The following MTHFD1L variants were observed in gnomAD, a reference collection of about 807,000 sequenced individuals.
MTHFD1L encodes methylenetetrahydrofolate dehydrogenase (NADP+ dependent) 1 like.
Under a neutral mutation model 119.5 loss-of-function variants are expected in MTHFD1L, and 81 were observed. The observed-to-expected ratio is 0.68, with a 90% CI of 0.57 to 0.82. The LOEUF (loss-of-function observed/expected upper bound fraction) is 0.82, where lower values mean the gene tolerates loss of function less well. MTHFD1L is among the 40% of genes least tolerant of loss of function. MTHFD1L has a pLI of 0.00. For synonymous variants in MTHFD1L, 430 were observed against 475.2 expected, an observed-to-expected ratio of 0.90 and a Z score of 1.24; for missense variants, 1,125 against 1,253.4, an observed-to-expected ratio of 0.90 and a Z score of 1.55.
intron 20 of MTHFD1L, among the ~76,000 whole-genome samples, chr6:151,006,111 T>C (rs1781346553): frequency 7.3e-6 from 1 of 137,248 alleles, no homozygotes; most frequent in African/African-American, 2.7e-5. Context: ...GCCCTCCATG[T>C]GGGAGACGGC....
intron 11 of MTHFD1L, chr6:150,935,162 T>G (rs948500710): frequency 1.2e-6 from 2 of 1,612,522 alleles, no homozygotes; most frequent in African/African-American, 2.7e-5. Flanking sequence ...CTTGGGAAAT[T>G]CTAAAACAGT....
At position 150,922,184 on chromosome 6, in the gene MTHFD1L, TC is replaced by T. The variant is rs772648486; in HGVS notation, c.985-17del. On this transcript the variant is annotated intron_variant, in intron 9 of 27. Transcript: ENST00000367321. The stretch of plus-strand genomic sequence containing the variant: ...CAGCTTTTACCATTCTAACATGTTT[TC>T]CCCTCTATCCCTGCTGAAGAACATG... The T allele has an allele frequency of 3.8e-6, 6 of 1,584,258 alleles. No homozygotes were observed. The East Asian group carries it at 1.3e-4, about 35-fold the overall frequency.
chr6:151,019,347 G>GA (rs1783618558), intron 24 of MTHFD1L, among the ~76,000 whole-genome samples: 1 of 147,482 alleles, frequency 6.8e-6, no homozygotes, highest in African/African-American at 2.5e-5. Flanking sequence ...CATCCCAGGT[G>GA]AAAAAGAGGT....
chr6:150,949,141 C>T lies in MTHFD1L; in HGVS notation c.1726+8C>T. ...CCATCACGTGGCAGAGAGGTGGGTG[C>T]TGGGGAGATGCCAGCAGGCTGATGG... is the stretch of plus-strand genomic sequence containing the variant. On this transcript the variant is annotated splice_region_variant and intron_variant, in intron 16 of 27. Transcript: ENST00000367321. The T allele has an allele frequency of 6.2e-7, 1 of 1,612,826 alleles. No homozygotes were observed. The highest frequency in any genetic ancestry group is 2.2e-5 in the East Asian group (1 of 44,854).
chr6:150,900,775 G>A (rs187342984), intron 7 of MTHFD1L, among the ~76,000 whole-genome samples: 20 of 152,194 alleles, frequency 1.3e-4, no homozygotes, highest in Non-Finnish European at 2.4e-4. Flanking sequence ...CAGCTCTTTG[G>A]GAGGCTGAGG....
intron 21 of MTHFD1L, among the ~76,000 whole-genome samples, chr6:151,010,366 A>G (rs1253203622): frequency 2.6e-5 from 4 of 152,220 alleles, no homozygotes; most frequent in Non-Finnish European, 4.4e-5. Context: ...GATTAGAGTG[A>G]GTTCTTTGAT....
At chr6:150,960,854 C>T (rs990424160) in intron 18 of MTHFD1L, among the ~76,000 whole-genome samples, 1 of 152,192 alleles carries the variant, frequency 6.6e-6, no homozygotes, top group Non-Finnish European at 1.5e-5. Flanking sequence ...TGGCACATTT[C>T]TGGCACCAGC....
intron 24 of MTHFD1L, among the ~76,000 whole-genome samples, chr6:151,025,222 C>T (rs1446793067): frequency 6.6e-6 from 1 of 152,352 alleles, no homozygotes; most frequent in African/African-American, 2.4e-5. Flanking sequence ...GCTCAGGGCC[C>T]GCGAGCCCAC....
At chr6:151,012,445 A>G (rs1444426811) in intron 21 of MTHFD1L, among the ~76,000 whole-genome samples, 1 of 151,952 alleles carries the variant, frequency 6.6e-6, no homozygotes, top group African/African-American at 2.4e-5. Flanking sequence ...TACACAAATA[A>G]CCATGGCTGC....
chr6:150,957,663 T>C (rs534800469), intron 17 of MTHFD1L, among the ~76,000 whole-genome samples: 1 of 152,150 alleles, frequency 6.6e-6, no homozygotes, highest in African/African-American at 2.4e-5. Context: ...TTTTGTCCCA[T>C]GGGAGAGTTG....
intron 8 of MTHFD1L, chr6:150,912,697 A>G (rs1562365459): frequency 1.9e-6 from 1 of 515,938 alleles, no homozygotes; most frequent in Non-Finnish European, 4.0e-6. Flanking sequence ...AAGAATGGCC[A>G]TCTTTTAAAG....
At chr6:151,029,118 T>A (rs1322020507) in intron 24 of MTHFD1L, among the ~76,000 whole-genome samples, 1 of 151,750 alleles carries the variant, frequency 6.6e-6, no homozygotes, top group East Asian at 1.9e-4. Flanking sequence ...AAAATTAAAG[T>A]TCTTAAAAAT....
chr6:151,004,690 T>G (rs1781138651), intron 20 of MTHFD1L, among the ~76,000 whole-genome samples: 1 of 152,236 alleles, frequency 6.6e-6, no homozygotes, highest in African/African-American at 2.4e-5. Flanking sequence ...TCAGACCCAC[T>G]GACCCTTCCT....
At chr6:151,069,821 T>C (rs959584329) in intron 26 of MTHFD1L, among the ~76,000 whole-genome samples, 1 of 152,108 alleles carries the variant, frequency 6.6e-6, no homozygotes, top group Non-Finnish European at 1.5e-5. Flanking sequence ...CAGCCACCAT[T>C]TCAGAGTTCT....
chr6:150,877,205 A>G (rs185152999), intron 2 of MTHFD1L, among the ~76,000 whole-genome samples: 94 of 152,260 alleles, frequency 6.2e-4, no homozygotes, highest in Admixed American at 1.6e-3. Flanking sequence ...GGCATGCACC[A>G]TCACGCCGGG....
chr6:151,035,784 G>A (rs115185790), intron 25 of MTHFD1L, among the ~76,000 whole-genome samples: 1,776 of 152,172 alleles, frequency 0.012, 30 homozygotes, highest in African/African-American at 0.04. Context: ...AATCTGGTGA[G>A]AGTATATGGC....
intron 23 of MTHFD1L, 142 bp downstream of exon 23, chr6:151,015,122 G>A: frequency 3.0e-6 from 2 of 657,114 alleles, no homozygotes; most frequent in South Asian, 2.6e-5. Context: ...TTGTTTATTT[G>A]GTTTGGTTTC....
intron 24 of MTHFD1L, among the ~76,000 whole-genome samples, chr6:151,022,958 G>GC (rs1216132679): frequency 1.3e-5 from 2 of 151,612 alleles, no homozygotes; most frequent in Non-Finnish European, 1.5e-5. Flanking sequence ...TTATCCCCTG[G>GC]CCCCCTTTCC....
Position 150,956,086 on chromosome 6 carries a change from C to G in MTHFD1L, c.1803+15C>G. On this transcript the variant is annotated intron_variant, in intron 17 of 27. Transcript: ENST00000367321. The stretch of plus-strand genomic sequence containing the variant: ...ATTACCGGCAGGTAGGTGGTGCTTT[C>G]TTCCCGGGTGTGGCTCTGTTCTTAC... The G allele has an allele frequency of 1.9e-6, 3 of 1,609,782 alleles. No individual in the cohort carries two copies. The highest frequency in any genetic ancestry group is 2.6e-6 in the Non-Finnish European group (3 of 1,176,082).
Sources: allele counts gnomAD v4.1 joint callset (sites outside exome capture counted in the v4.1 genomes callset), GRCh38; gene constraint gnomAD v4.1.1; transcripts MANE v1.5; gene names NCBI Gene and HGNC (gene_info 2026-07-23, HGNC 2026-07-21).